The following DENND1B variants were observed in gnomAD, a reference collection of about 807,000 sequenced individuals.
DENND1B encodes DENN domain-containing protein 1B.
DENND1B carries 59 observed loss-of-function variants against 90.1 expected under a neutral mutation model. The observed-to-expected ratio is 0.65, with a 90% CI of 0.53 to 0.81. The LOEUF (loss-of-function observed/expected upper bound fraction) is 0.81. Among genes scored for constraint, DENND1B ranks in the 40% least tolerant of loss-of-function variants. DENND1B has a pLI of 0.00. For missense variants in DENND1B, 862 were observed against 912.6 expected (o/e 0.94, Z 0.71); for synonymous variants, 337 against 324.6 (o/e 1.04, Z -0.41).
intron 15 of DENND1B, among the ~76,000 whole-genome samples, chr1:197,574,529 T>C (rs947838628): frequency 6.6e-6 from 1 of 152,164 alleles, no homozygotes; most frequent in East Asian, 1.9e-4. Context: ...AGGTAATTTA[T>C]AGATTCAATG....
chr1:197,634,981 T>A (rs1025735186), intron 10 of DENND1B, among the ~76,000 whole-genome samples: 1 of 150,522 alleles, frequency 6.6e-6, no homozygotes, highest in African/African-American at 2.5e-5. Flanking sequence ...GCGACAAGAG[T>A]GCAACTCTGC....
intron 2 of DENND1B, among the ~76,000 whole-genome samples, chr1:197,760,352 G>T (rs907803384): frequency 2.0e-5 from 3 of 152,038 alleles, no homozygotes; most frequent in African/African-American, 7.2e-5. Context: ...TGAGAGAAAT[G>T]AATCAAAAAA....
chr1:197,763,957 G>A (rs548138156), intron 2 of DENND1B, among the ~76,000 whole-genome samples: 3 of 152,324 alleles, frequency 2.0e-5, no homozygotes, highest in East Asian at 3.9e-4. Context: ...TTCACTGAAG[G>A]AATGAGAGGG....
At chr1:197,675,597 A>C (rs1021671960) in intron 3 of DENND1B, among the ~76,000 whole-genome samples, 1 of 152,206 alleles carries the variant, frequency 6.6e-6, no homozygotes, top group African/African-American at 2.4e-5. Context: ...AAGAGTCACT[A>C]AACTTGCAGT....
intron 6 of DENND1B, among the ~76,000 whole-genome samples, chr1:197,655,975 G>T (rs186557924): frequency 2.0e-5 from 3 of 152,230 alleles, no homozygotes; most frequent in Non-Finnish European, 1.5e-5. Flanking sequence ...AGATGAGTGG[G>T]AGCAGATTAA....
chr1:197,557,618 T>C (rs1207442769), intron 15 of DENND1B, among the ~76,000 whole-genome samples: 1 of 151,970 alleles, frequency 6.6e-6, no homozygotes, highest in Non-Finnish European at 1.5e-5. Flanking sequence ...AAAATGTTTG[T>C]TCTTGTAACA....
chr1:197,735,538 C>T (rs1213028832), intron 2 of DENND1B: 2 of 1,612,822 alleles, frequency 1.2e-6, no homozygotes, highest in South Asian at 1.1e-5. Flanking sequence ...ATGAAACATT[C>T]CATTTACAAA....
intron 5 of DENND1B, among the ~76,000 whole-genome samples, chr1:197,660,607 T>G (rs754690548): frequency 6.6e-6 from 1 of 152,026 alleles, no homozygotes; most frequent in Non-Finnish European, 1.5e-5. Flanking sequence ...AAACAAGGGA[T>G]AGAAGAGTGC....
At chr1:197,591,595 G>A (rs995117971) in intron 14 of DENND1B, among the ~76,000 whole-genome samples, 2 of 152,156 alleles carry the variant, frequency 1.3e-5, no homozygotes, top group Non-Finnish European at 2.9e-5. Context: ...TTGAGTAGTA[G>A]TAGTTACTCC....
intron 2 of DENND1B, among the ~76,000 whole-genome samples, chr1:197,744,398 T>C (rs1663510489): frequency 6.6e-6 from 1 of 152,212 alleles, no homozygotes. Context: ...GCAGAATGGA[T>C]ATTGTGTTAG....
chr1:197,728,053 T>C (rs975927499), intron 2 of DENND1B, among the ~76,000 whole-genome samples: 3 of 152,218 alleles, frequency 2.0e-5, no homozygotes, highest in Non-Finnish European at 2.9e-5. Flanking sequence ...CTATTTCCCA[T>C]TGTTCACAAA....
At chr1:197,683,427 G>A (rs116184915) in intron 3 of DENND1B, among the ~76,000 whole-genome samples, 1,685 of 152,166 alleles carry the variant, frequency 0.011, 32 homozygotes, top group African/African-American at 0.038. Context: ...TCAGATATAA[G>A]GCTTTTACAG....
chr1:197,602,483 C>A (rs1280133367), intron 13 of DENND1B, among the ~76,000 whole-genome samples: 1 of 151,478 alleles, frequency 6.6e-6, no homozygotes, highest in Non-Finnish European at 1.5e-5. Context: ...TCTAACCTGA[C>A]CACCCTAGAA....
intron 15 of DENND1B, among the ~76,000 whole-genome samples, chr1:197,556,761 T>C (rs910635365): frequency 1.3e-5 from 2 of 151,916 alleles, no homozygotes; most frequent in Non-Finnish European, 2.9e-5. Context: ...AAAGAGCTAA[T>C]TAAAATAATA....
chr1:197,567,327 A>G (rs1470794151), intron 15 of DENND1B, among the ~76,000 whole-genome samples: 1 of 152,138 alleles, frequency 6.6e-6, no homozygotes, highest in Non-Finnish European at 1.5e-5. Context: ...AAATAATGAA[A>G]TAATGAACAA....
At chr1:197,769,084 A>T (rs1656082513) in intron 2 of DENND1B, among the ~76,000 whole-genome samples, 1 of 152,210 alleles carries the variant, frequency 6.6e-6, no homozygotes, top group Admixed American at 6.5e-5. Context: ...TGAAAAATGA[A>T]CAAGAGAAGC....
At chr1:197,621,377 C>T (rs1678145810) in intron 10 of DENND1B, among the ~76,000 whole-genome samples, 1 of 151,082 alleles carries the variant, frequency 6.6e-6, no homozygotes, top group Non-Finnish European at 1.5e-5. Context: ...TTTTACATAC[C>T]TCTGAAGAGA....
In DENND1B at chr1:197,587,673, G is replaced by A. The variant is rs989059425; in HGVS notation, c.1048-4420C>T. ...CCCCAAACTTCTTGGCACCAGACGC[G>A]GGTTTTGTGGAAGACAATTTTTCCA... On this transcript the variant is annotated intron_variant, in intron 14 of 22. Coordinates refer to ENST00000620048, the MANE Select transcript of DENND1B (RefSeq NM_001195215.2). 6.6e-5 allele frequency among the ~76,000 whole-genome samples: 10 copies of A among 152,178 alleles called. 2 individuals carry two copies. The South Asian group carries it at 1.5e-3, about 22-fold the overall frequency.
intron 20 of DENND1B, among the ~76,000 whole-genome samples, chr1:197,535,196 G>A (rs1206634681): frequency 6.6e-6 from 1 of 152,170 alleles, no homozygotes; most frequent in African/African-American, 2.4e-5. Flanking sequence ...AGGGTAGGCT[G>A]ACCTTAAACT....
Sources: allele counts gnomAD v4.1 joint callset (sites outside exome capture counted in the v4.1 genomes callset), GRCh38; gene constraint gnomAD v4.1.1; transcripts MANE v1.5; gene names NCBI Gene and HGNC (gene_info 2026-07-23, HGNC 2026-07-21).